Variants in CTBP2 observed in about 807,000 individuals in gnomAD.
CTBP2 encodes the protein C-terminal binding protein 2.
In CTBP2, 30 loss-of-function variants were observed where a neutral mutation model predicts 80.3. The ratio of observed to expected loss-of-function variants is 0.37; its 90% confidence interval spans 0.28 to 0.51. CTBP2 has a LOEUF of 0.51. CTBP2 is among the 20% of genes least tolerant of loss of function. The pLI is 0.93. For synonymous variants in CTBP2, 594 were observed against 587.4 expected, an observed-to-expected ratio of 1.01 and a Z score of -0.16; for missense variants, 1,212 against 1,375.3, an observed-to-expected ratio of 0.88 and a Z score of 1.88.
chr10:125,040,375 A>C (rs893229389), intron 2 of CTBP2, among the ~76,000 whole-genome samples: 14 of 149,350 alleles, frequency 9.4e-5, no homozygotes, highest in African/African-American at 3.5e-4. Flanking sequence ...GAATCACGTG[A>C]ATCTGGGAGG....
chr10:125,116,319 T>G (rs1198244998), intron 1 of CTBP2, among the ~76,000 whole-genome samples: 3 of 152,170 alleles, frequency 2.0e-5, no homozygotes, highest in Non-Finnish European at 4.4e-5. Context: ...GGAAGCATGG[T>G]GTCTGTTAGG....
At position 125,101,897 on chromosome 10, in the gene CTBP2, C is replaced by T. The variant is rs140822691; in HGVS notation, c.-102+9093G>A. ...GGGTACAAGTGCAATTTTCTACATC[C>T]ATACATTGCATTGTGGTGAAGTCAG... On this transcript the variant is annotated intron_variant, in intron 2 of 10. Transcript: ENST00000337195. Among the ~76,000 whole-genome samples the T allele has an allele frequency of 2.7e-3, 418 of 152,274 alleles. 1 individual carries two copies. Among genetic ancestry groups the T allele is most frequent in the African/African-American group, 7.4e-3 (309 of 41,546 alleles).
chr10:125,102,686 G>T (rs1404476611), intron 2 of CTBP2, among the ~76,000 whole-genome samples: 2 of 152,054 alleles, frequency 1.3e-5, no homozygotes, highest in East Asian at 1.9e-4. Context: ...CAAAGTGAAG[G>T]TTTTTTTTAA....
At chr10:125,032,779 G>A (rs58800392), upstream of CTBP2, 647 of 154,934 alleles carry the variant, frequency 4.2e-3, 7 homozygotes, top group African/African-American at 0.015. Flanking sequence ...CGGTGTGATG[G>A]GGAAAAACGA....
At chr10:125,089,365 T>C (rs1025059796) in intron 2 of CTBP2, among the ~76,000 whole-genome samples, 2 of 152,200 alleles carry the variant, frequency 1.3e-5, no homozygotes, top group Non-Finnish European at 2.9e-5. Flanking sequence ...TCAGTGAAAT[T>C]ATTTTGTGAA....
rs902571159 is a variant in CTBP2 at position 125,003,437 on chromosome 10, C to G, written c.1734G>C (p.Leu578=). ...CCACAGTGCAGTCGCGGCCGTCCAG[C>G]AGCGCCACCAGGGGGCGGGGGTGCA... is the stretch of plus-strand genomic sequence containing the variant. The change falls in exon 2 of 9, where the codon CTG becomes CTC. Residue 578 remains leucine (L), a synonymous_variant. Coordinates refer to ENST00000309035, the MANE Select transcript of CTBP2 (RefSeq NM_022802.3). The G allele has an allele frequency of 6.3e-7, 1 of 1,583,868 alleles. No homozygotes were observed. The highest frequency in any genetic ancestry group is 2.0e-5 in the Admixed American group (1 of 49,976).
chr10:125,098,139 A>G (rs1849838261), intron 2 of CTBP2, among the ~76,000 whole-genome samples: 1 of 152,176 alleles, frequency 6.6e-6, no homozygotes, highest in Admixed American at 6.5e-5. Context: ...AACGAACAAA[A>G]AATGCCAACA....
intron 2 of CTBP2, among the ~76,000 whole-genome samples, chr10:125,043,154 C>T (rs757161064): frequency 2.3e-4 from 35 of 152,170 alleles, no homozygotes; most frequent in Non-Finnish European, 4.4e-4. Context: ...GAGAATGTGA[C>T]ATTTTTGAAG....
intron 1 of CTBP2, among the ~76,000 whole-genome samples, chr10:125,140,082 T>C (rs1055904964): frequency 2.0e-5 from 3 of 152,020 alleles, no homozygotes; most frequent in African/African-American, 7.2e-5. Context: ...TACCCAAGTG[T>C]CCTCACACTA....
intron 2 of CTBP2, among the ~76,000 whole-genome samples, chr10:125,068,730 A>G (rs919958420): frequency 6.6e-6 from 1 of 152,170 alleles, no homozygotes; most frequent in African/African-American, 2.4e-5. Context: ...CACCCTATGC[A>G]GAGGGGTTTC....
intron 1 of CTBP2, among the ~76,000 whole-genome samples, chr10:125,123,646 T>C (rs1189757657): frequency 2.0e-5 from 3 of 152,212 alleles, no homozygotes; most frequent in African/African-American, 7.2e-5. Flanking sequence ...TGACACTGCT[T>C]ACGCACTCAA....
chr10:125,027,348 T>C lies in CTBP2; in HGVS notation c.412A>G (p.Ser138Gly), dbSNP rs1315316285. The C allele has an allele frequency of 5.0e-6, 8 of 1,613,662 alleles. No individual in the cohort carries two copies. Among genetic ancestry groups the C allele is most frequent in the Non-Finnish European group, 6.8e-6 (8 of 1,179,976 alleles). The stretch of plus-strand genomic sequence containing the variant: ...GTTCTGCTGCCAAGCACTCCGTAGC[T>C]GGGGACCGGCCGGCTGACTCCTGGG... The change falls in exon 1 of 9, where the codon AGC (serine) becomes GGC (glycine). Residue 138 changes from serine to glycine, a missense_variant. Ser to Gly is a moderately conservative substitution (Grantham distance 56). Around this residue, in one of 3 missense-constraint regions of CTBP2, gnomAD observed 848 missense variants for 782.3 expected, o/e 1.08. Transcript: ENST00000309035.
At chr10:125,098,708 C>CAGAGAGAGAGAGAGAG (rs1850045599) in intron 2 of CTBP2, among the ~76,000 whole-genome samples, 2 of 65,698 alleles carry the variant, frequency 3.0e-5, no homozygotes, top group Admixed American at 1.8e-4. Context: ...GAGAGAGAGA[C>CAGAGAGAGAGAGAGAG]AGAGAGAGAG....
At chr10:125,151,997 A>C (rs1591120146) in intron 1 of CTBP2, among the ~76,000 whole-genome samples, 1 of 151,990 alleles carries the variant, frequency 6.6e-6, no homozygotes, top group Admixed American at 6.5e-5. Context: ...ACAAGTGTAA[A>C]GGCGAGGCGC....
intron 2 of CTBP2, among the ~76,000 whole-genome samples, chr10:125,062,195 T>A (rs1965099280): frequency 6.6e-6 from 1 of 151,896 alleles, no homozygotes; most frequent in Non-Finnish European, 1.5e-5. Context: ...GACGACTGAG[T>A]CCAGCCTCGG....
chr10:124,990,616 C>G (rs935167236), intron 8 of CTBP2, among the ~76,000 whole-genome samples: 15 of 152,188 alleles, frequency 9.9e-5, no homozygotes, highest in Non-Finnish European at 1.9e-4. Flanking sequence ...AATGATTTCC[C>G]AACAGAGTAC....
chr10:125,029,462 G>C (rs140818442), upstream of CTBP2, among the ~76,000 whole-genome samples: 2,027 of 152,106 alleles, frequency 0.013, 23 homozygotes, highest in Admixed American at 0.023. Context: ...ACTTCACCAT[G>C]TTGGCCAGAC....
At chr10:125,090,543 A>C (rs530521153) in intron 2 of CTBP2, among the ~76,000 whole-genome samples, 1 of 151,878 alleles carries the variant, frequency 6.6e-6, no homozygotes. Context: ...TGGAAGGATC[A>C]CTTGAGGCCA....
chr10:125,054,870 T>C (rs1040231530), intron 2 of CTBP2, among the ~76,000 whole-genome samples: 3 of 152,208 alleles, frequency 2.0e-5, no homozygotes, highest in African/African-American at 7.2e-5. Flanking sequence ...TGTAAACTCT[T>C]GGGGTAAACG....
Sources: gnomAD v4.1 joint callset for allele counts (sites outside exome capture counted in the v4.1 genomes callset) on GRCh38, gnomAD v4.1.1 for gene constraint, gnomAD v4.1.1 regional missense constraint, MANE v1.5 for transcripts, NCBI Gene and HGNC (gene_info 2026-07-23, HGNC 2026-07-21) for gene names.